Variants in ZFHX2 observed in about 807,000 individuals in gnomAD.
ZFHX2 encodes the protein zinc finger homeobox 2.
Under a neutral mutation model 164.8 loss-of-function variants are expected in ZFHX2, and 75 were observed. The ratio of observed to expected loss-of-function variants is 0.46; its 90% confidence interval spans 0.38 to 0.55. The LOEUF (loss-of-function observed/expected upper bound fraction) is 0.55, where lower values mean the gene tolerates loss of function less well. Ranked by LOEUF, ZFHX2 falls within the 20% of genes least tolerant of loss-of-function variation. ZFHX2 has a pLI of 0.00. For missense variants in ZFHX2, 2,933 were observed against 3,308.0 expected, an observed-to-expected ratio of 0.89 and a Z score of 2.78; for synonymous variants, 1,217 against 1,351.4, an observed-to-expected ratio of 0.90 and a Z score of 2.18.
Position 23,522,166 on chromosome 14 carries a change from A to C in ZFHX2, c.7515T>G (p.Ser2505Arg). Residue 2505 changes from serine (S) to arginine (R), a missense_variant, in exon 10 of 10, where the codon AGT (serine) becomes AGG (arginine). Ser to Arg is a moderately radical substitution (Grantham distance 110, BLOSUM62 -1). Coordinates refer to ENST00000419474, the MANE Select transcript of ZFHX2 (RefSeq NM_033400.3). Reference protein sequence around the residue: ...YHCLACEVLLSGREALASHLR... With the variant: ...YHCLACEVLLRGREALASHLR... The stretch of plus-strand genomic sequence containing the variant: ...GGTGGGAGGCTAGGGCTTCACGCCC[A>C]CTCAGCAGCACCTCACATGCCAGGC... 6.7e-7 allele frequency: 1 copy of C among 1,499,262 alleles called. No homozygotes were observed. Among genetic ancestry groups the C allele is most frequent in the Non-Finnish European group, 8.9e-7 (1 of 1,128,768 alleles). The allele number at this position is 1,499,262 out of a possible 1,614,324, so 92.9% of individuals were successfully genotyped here.
intron 6 of ZFHX2, 133 bp from the exon 7 acceptor site, chr14:23,527,937 G>C (rs1878982991): frequency 3.7e-6 from 3 of 809,500 alleles, no homozygotes; most frequent in Non-Finnish European, 5.6e-6. Context: ...GATGGAGTCT[G>C]GCTCTGTCAC....
In ZFHX2 at chr14:23,522,960, G is replaced by A; in HGVS notation, c.6740-19C>T. Reference sequence around the variant, plus strand: ...GCCGGGCCTAGAAAGGTGAAAGGAAGGATGAAGGATTAGCCATCTCCTGTC... The same window carrying A: ...GCCGGGCCTAGAAAGGTGAAAGGAAAGATGAAGGATTAGCCATCTCCTGTC... On this transcript the variant is annotated intron_variant, in intron 9 of 9. Coordinates refer to ENST00000419474, the MANE Select transcript of ZFHX2 (RefSeq NM_033400.3). The A allele has an allele frequency of 2.1e-6, 3 of 1,436,000 alleles. No homozygotes were observed. Among genetic ancestry groups the A allele is most frequent in the East Asian group, 2.5e-5 (1 of 39,914 alleles). The allele number at this position is 1,436,000 out of a possible 1,614,324, so 89.0% of individuals were successfully genotyped here.
intron 1 of ZFHX2, among the ~76,000 whole-genome samples, chr14:23,547,346 G>A (rs535834170): frequency 2.6e-5 from 4 of 152,252 alleles, no homozygotes; most frequent in African/African-American, 7.2e-5. Context: ...CCTTATTTGC[G>A]GCCATTGTAT....
At chr14:23,553,437 T>C (rs189588435), upstream of ZFHX2, among the ~76,000 whole-genome samples, 1 of 151,204 alleles carries the variant, frequency 6.6e-6, no homozygotes, top group Admixed American at 6.6e-5. Flanking sequence ...CTGTCTCTAC[T>C]AAAAATACAA....
chr14:23,528,866 G>A lies in ZFHX2; in HGVS notation c.2934+844C>T, dbSNP rs1595149866. On this transcript the variant is annotated intron_variant, in intron 6 of 9. Transcript: ENST00000419474. ...CCAGACCTACCCAGCCTGCATCCAG[G>A]CTGGCACCAGTGGCACAGGCCTGTG... 4.1e-6 allele frequency: 4 copies of A among 982,508 alleles called. No homozygotes were observed. The East Asian group carries it at 3.4e-4, about 84-fold the overall frequency. The allele number at this position is 982,508 out of a possible 1,614,324, so 60.9% of individuals were successfully genotyped here.
rs1272467882 is a variant in ZFHX2, at chr14:23,535,228, G to A, written c.98C>T (p.Pro33Leu). Residue 33 changes from proline (P) to leucine (L), a missense_variant, in exon 2 of 10, where the codon CCC becomes CTC. By Grantham distance (98) the Pro-to-Leu change is moderately conservative. Coordinates refer to ENST00000419474, the MANE Select transcript of ZFHX2 (RefSeq NM_033400.3). This position sits in a 1 kb window ranked among gnomAD's most constrained non-coding sequence, Gnocchi z 4.5. ...LPSDTFSSSTPSDPVTKDPPA... is the reference protein window; with the variant it reads ...LPSDTFSSSTLSDPVTKDPPA... ...GGGATCTTTGGTGACAGGATCAGAG[G>A]GGGTGCTGGAGGAGAAGGTGTCCGA... 1 of 1,524,392 alleles carries A rather than the reference G, an allele frequency of 6.6e-7. No individual in the cohort carries two copies. The allele number at this position is 1,524,392 out of a possible 1,614,324, so 94.4% of individuals were successfully genotyped here.
Position 23,535,455 on chromosome 14 carries a change from C to T in ZFHX2, c.-49-81G>A. The T allele has an allele frequency of 5.8e-6, 7 of 1,197,914 alleles. No individual in the cohort carries two copies. The highest frequency in any genetic ancestry group is 7.6e-6 in the Non-Finnish European group (7 of 916,612). 74.2% of individuals were successfully genotyped at this position (1,197,914 alleles called of 1,614,324 possible). ...CAGCTGGATCTCTGGATACTCCTGC[C>T]CCATCCTCTTCCCTGAACACCAGAC... On this transcript the variant is annotated intron_variant, in intron 1 of 9. Transcript: ENST00000419474. The surrounding 1 kb of genome is among the most constrained non-coding windows in gnomAD (Gnocchi z 4.5).
Position 23,533,490 on chromosome 14 carries a change from C to G in ZFHX2, c.1836G>C (p.Leu612Phe). 1 of 1,536,018 alleles carries G rather than the reference C, an allele frequency of 6.5e-7. No individual in the cohort carries two copies. The highest frequency in any genetic ancestry group is 8.7e-7 in the Non-Finnish European group (1 of 1,146,852). Residue 612 changes from leucine to phenylalanine, a missense_variant, in exon 2 of 10, where the codon TTG becomes TTC. By Grantham distance (22) the Leu-to-Phe change is conservative. Coordinates refer to ENST00000419474, the MANE Select transcript of ZFHX2 (RefSeq NM_033400.3). This position sits in a 1 kb window ranked among gnomAD's most constrained non-coding sequence, Gnocchi z 4.8. ...QGLPLGLPPG[L>F]MGPGPPPPPG... Reference sequence around the variant, plus strand: ...GTGGGGGAGGAGGGCCTGGCCCCATCAATCCAGGTGGCAGGCCCAGCGGCA... The same window carrying G: ...GTGGGGGAGGAGGGCCTGGCCCCATGAATCCAGGTGGCAGGCCCAGCGGCA...
At position 23,526,280 on chromosome 14, in the gene ZFHX2, T is replaced by G. The variant is rs1755844962; in HGVS notation, c.3662A>C (p.Lys1221Thr). Residue 1221 changes from lysine to threonine, a missense_variant, in exon 9 of 10, where the codon AAG (lysine) becomes ACG (threonine). Lys to Thr is a moderately conservative substitution (Grantham distance 78). Transcript: ENST00000419474. ...NSVSHLHKMK[K>T]AAIDPSAPAR... ...AGGGGCAGAGGGGTCAATGGCAGCC[T>G]TCTTCATCTTGTGAAGGTGGGAGAC... 1.3e-6 allele frequency: 2 copies of G among 1,536,190 alleles called. No individual in the cohort carries two copies. Among genetic ancestry groups the G allele is most frequent in the Admixed American group, 2.0e-5 (1 of 50,988 alleles).
chr14:23,529,511 G>C, intron 6 of ZFHX2, 199 bp downstream of exon 6: 1 of 590,936 alleles, frequency 1.7e-6, no homozygotes. Flanking sequence ...ATCTCCCTCT[G>C]TGCTTGACCC....
rs1213594746 is a variant in ZFHX2 at position 23,523,926 on chromosome 14, C to T, written c.6016G>A (p.Glu2006Lys). The T allele has an allele frequency of 6.5e-7, 1 of 1,536,206 alleles. No homozygotes were observed. Among genetic ancestry groups the T allele is most frequent in the Non-Finnish European group, 8.7e-7 (1 of 1,146,880 alleles). The change falls in exon 9 of 10, where the codon GAG (glutamate) becomes AAG (lysine). Residue 2006 changes from glutamate (E) to lysine (K), a missense_variant. Coordinates refer to ENST00000419474, the MANE Select transcript of ZFHX2 (RefSeq NM_033400.3). This position sits in a 1 kb window ranked among gnomAD's most constrained non-coding sequence, Gnocchi z 4.1. ...LPLLPPPPPSEEEGPEEPPKA... is the reference protein window; with the variant it reads ...LPLLPPPPPSKEEGPEEPPKA... ...GGTGGTTCCTCTGGGCCCTCTTCCT[C>T]ACTGGGTGGAGGGGGAGGTAGGAGA...
chr14:23,524,898 C>T lies in ZFHX2; in HGVS notation c.5044G>A (p.Val1682Ile), dbSNP rs952807759. 1 of 1,536,388 alleles carries T rather than the reference C, an allele frequency of 6.5e-7. No homozygotes were observed. The highest frequency in any genetic ancestry group is 2.0e-5 in the Admixed American group (1 of 51,010). Residue 1682 changes from valine to isoleucine, a missense_variant, in exon 9 of 10, where the codon GTT becomes ATT. Physicochemically the swap from Val to Ile is conservative, Grantham distance 29 (BLOSUM62 3). Coordinates refer to ENST00000419474, the MANE Select transcript of ZFHX2 (RefSeq NM_033400.3). The surrounding 1 kb of genome is among the most constrained non-coding windows in gnomAD (Gnocchi z 5.6). ...CRRCHATFSC[V>I]FELVRHLKKC... The stretch of plus-strand genomic sequence containing the variant: ...TTGAGGTGGCGCACCAACTCAAAAA[C>T]ACAGGAGAAAGTGGCGTGGCAACGC...
chr14:23,526,251 G>C lies in ZFHX2; in HGVS notation c.3691C>G (p.Arg1231Gly). 2 of 1,536,354 alleles carry C rather than the reference G, an allele frequency of 1.3e-6. No individual in the cohort carries two copies. Among genetic ancestry groups the C allele is most frequent in the Non-Finnish European group, 1.7e-6 (2 of 1,146,918 alleles). ...KAAIDPSAPARGEAGAPPTTT... is the reference protein window; with the variant it reads ...KAAIDPSAPAGGEAGAPPTTT... ...GTGGGTGGGGCACCGGCCTCTCCCC[G>C]TGCAGGGGCAGAGGGGTCAATGGCA... Residue 1231 changes from arginine (R) to glycine (G), a missense_variant, in exon 9 of 10, where the codon CGG (arginine) becomes GGG (glycine). By Grantham distance (125) the Arg-to-Gly change is moderately radical. Coordinates refer to ENST00000419474, the MANE Select transcript of ZFHX2 (RefSeq NM_033400.3).
rs775762571 is a variant in ZFHX2, at chr14:23,526,611, C to A, written c.3331G>T (p.Val1111Phe). ...GGGCTTCCTGAGGGTTTGTCTGGGA[C>A]CTCAACTGAGGCCAGGGGAGGCTCA... ...LPEPPLASVE[V>F]PDKPSGSPGQ... The change falls in exon 9 of 10, where the codon GTC becomes TTC. Residue 1111 changes from valine to phenylalanine, a missense_variant. By Grantham distance (50) the Val-to-Phe change is conservative. Coordinates refer to ENST00000419474, the MANE Select transcript of ZFHX2 (RefSeq NM_033400.3). 482 of 1,535,656 alleles carry A rather than the reference C, an allele frequency of 3.1e-4. 1 individual carries two copies. The highest frequency in any genetic ancestry group is 7.5e-4 in the Admixed American group (38 of 50,936).
rs144088164 is a variant in ZFHX2, at chr14:23,545,080, A to G, written c.-50+6263T>C. On this transcript the variant is annotated intron_variant, in intron 1 of 9. Transcript: ENST00000419474. ...TTGTCCTCCACATTGCCATTTCTCC[A>G]TCCTCTTTTCCTTCCCTCTCCCCCG... Among the ~76,000 whole-genome samples the G allele has an allele frequency of 7.7e-3, 1,160 of 149,984 alleles. 6 individuals carry two copies. The highest frequency in any genetic ancestry group is 0.024 in the Middle Eastern group (7 of 290).
chr14:23,539,898 C>A lies in ZFHX2; in HGVS notation c.-49-4524G>T, dbSNP rs1390052834. 1.2e-4 allele frequency among the ~76,000 whole-genome samples: 19 copies of A among 152,212 alleles called. 1 individual carries two copies. The highest frequency in any genetic ancestry group is 4.3e-4 in the African/African-American group (18 of 41,464). On this transcript the variant is annotated intron_variant, in intron 1 of 9. Transcript: ENST00000419474. ...AAACAAAACTCCTTTTTCTCCAAAC[C>A]CAACTCCATGGCAAAGTCTTTCGAA...
At position 23,534,675 on chromosome 14, in the gene ZFHX2, G is replaced by T; in HGVS notation, c.651C>A (p.Pro217=). 2 of 1,536,198 alleles carry T rather than the reference G, an allele frequency of 1.3e-6. No individual in the cohort carries two copies. The highest frequency in any genetic ancestry group is 2.4e-5 in the South Asian group (2 of 84,066). The change falls in exon 2 of 10, where the codon CCC becomes CCA. Residue 217 remains proline, a synonymous_variant. Coordinates refer to ENST00000419474, the MANE Select transcript of ZFHX2 (RefSeq NM_033400.3). The surrounding 1 kb of genome is among the most constrained non-coding windows in gnomAD (Gnocchi z 4.5). The part of the protein sequence containing the change: ...FWSYQLAPNP[P]GDPKDGPMGN... ...CCATGGGGCCATCTTTGGGATCTCC[G>T]GGTGGATTTGGAGCCAGCTGGTAGC...
upstream of ZFHX2, among the ~76,000 whole-genome samples, chr14:23,552,451 C>A (rs1595203855): frequency 6.6e-6 from 1 of 151,950 alleles, no homozygotes; most frequent in East Asian, 1.9e-4. Context: ...CATCAACACA[C>A]CCAGCTAATT....
At position 23,521,629 on chromosome 14, in the gene ZFHX2, T is replaced by G. The variant is rs767826515; in HGVS notation, c.*333A>C. ...GGGAATTCAGTGAGGAAAAGGAAGA[T>G]AGAACCAAGGATATATTTTGTGTGT... On this transcript the variant is annotated 3_prime_UTR_variant, in exon 10 of 10. Coordinates refer to ENST00000419474, the MANE Select transcript of ZFHX2 (RefSeq NM_033400.3). 2 of 261,572 alleles carry G rather than the reference T, an allele frequency of 7.6e-6. No homozygotes were observed. The highest frequency in any genetic ancestry group is 1.7e-4 in the East Asian group (2 of 11,550). 16.2% of individuals were successfully genotyped at this position (261,572 alleles called of 1,614,324 possible).
Sources: gnomAD v4.1 joint callset for allele counts (sites outside exome capture counted in the v4.1 genomes callset) on GRCh38, gnomAD v4.1.1 for gene constraint, Gnocchi (gnomAD v3.1) non-coding constraint, MANE v1.5 for transcripts, NCBI Gene and HGNC (gene_info 2026-07-23, HGNC 2026-07-21) for gene names.